The following KDM4C variants were observed in gnomAD, a reference collection of about 807,000 sequenced individuals.
KDM4C encodes lysine-specific demethylase 4C.
Under a neutral mutation model 129.3 loss-of-function variants are expected in KDM4C, and 81 were observed. The ratio of observed to expected loss-of-function variants is 0.63; its 90% CI spans 0.52 to 0.75. The LOEUF (loss-of-function observed/expected upper bound fraction) is 0.75. KDM4C is among the 30% of genes least tolerant of loss of function. KDM4C has a pLI of 0.00. For synonymous variants in KDM4C, 573 were observed against 456.1 expected (o/e 1.26, Z -3.26); for missense variants, 1,457 against 1,304.0 (o/e 1.12, Z -1.81).
chr9:7,007,679 C>T (rs1055078488), intron 12 of KDM4C, among the ~76,000 whole-genome samples: 1 of 152,120 alleles, frequency 6.6e-6, no homozygotes, highest in African/African-American at 2.4e-5. Context: ...TTTTTGGTCT[C>T]AGGAAGCCTT....
At chr9:6,786,734 A>G (rs7031834) in intron 1 of KDM4C, among the ~76,000 whole-genome samples, 27,206 of 152,194 alleles carry the variant, frequency 0.18, 2,556 homozygotes, top group African/African-American at 0.22. Flanking sequence ...TGATAAATAT[A>G]GATTAGGAAG....
chr9:6,897,819 A>C (rs904180831), intron 8 of KDM4C, among the ~76,000 whole-genome samples: 3 of 152,256 alleles, frequency 2.0e-5, no homozygotes, highest in African/African-American at 7.2e-5. Flanking sequence ...GAATGTTGGC[A>C]TAACAGAGTG....
At position 6,999,163 on chromosome 9, in the gene KDM4C, T is replaced by C. The variant is rs1320817350; in HGVS notation, c.1786+8639T>C. On this transcript the variant is annotated intron_variant, in intron 12 of 21. Coordinates refer to ENST00000381309, the MANE Select transcript of KDM4C (RefSeq NM_015061.6). Reference sequence around the variant, plus strand: ...GCTGTTGCCCTTTACCTTTTGTAGATAGGTGTTTGGGGAAAATTATGCCCT... The same window carrying C: ...GCTGTTGCCCTTTACCTTTTGTAGACAGGTGTTTGGGGAAAATTATGCCCT... 3.9e-5 allele frequency among the ~76,000 whole-genome samples: 6 copies of C among 152,328 alleles called. No homozygotes were observed. In the East Asian group the frequency reaches 1.2e-3, roughly 29 times the overall value.
chr9:7,059,966 C>T (rs74388095), intron 17 of KDM4C, among the ~76,000 whole-genome samples: 227 of 152,010 alleles, frequency 1.5e-3, no homozygotes, highest in Admixed American at 2.1e-3. Flanking sequence ...TCCTTAATAA[C>T]GTTTAAGAGT....
chr9:6,919,322 A>G (rs948462092), intron 8 of KDM4C, among the ~76,000 whole-genome samples: 8 of 135,152 alleles, frequency 5.9e-5, no homozygotes, highest in African/African-American at 2.2e-4. Flanking sequence ...TTTGGATATT[A>G]GACCTTTGTC....
chr9:7,035,474 G>A (rs1042445797), intron 15 of KDM4C, among the ~76,000 whole-genome samples: 45 of 150,858 alleles, frequency 3.0e-4, no homozygotes, highest in African/African-American at 9.7e-4. Context: ...TTGCTGTGCA[G>A]AAGCTTTTTC....
chr9:7,015,901 C>T lies in KDM4C; in HGVS notation c.2231C>T (p.Ala744Val). Residue 744 changes from alanine to valine, a missense_variant, in exon 15 of 22, where the codon GCC becomes GTC. Physicochemically the swap from Ala to Val is moderately conservative, Grantham distance 64. Coordinates refer to ENST00000381309, the MANE Select transcript of KDM4C (RefSeq NM_015061.6). ...GAGATCTGTGATGGATGGCTGTGTG[C>T]CCGGTGCAAAAGAAATGCGTGGACA... ...SHEICDGWLC[A>V]RCKRNAWTAE... 3 of 1,612,524 alleles carry T rather than the reference C, an allele frequency of 1.9e-6. No homozygotes were observed. Among genetic ancestry groups the T allele is most frequent in the African/African-American group, 1.3e-5 (1 of 74,956 alleles).
At chr9:7,029,420 A>G (rs965963385) in intron 15 of KDM4C, among the ~76,000 whole-genome samples, 2 of 151,860 alleles carry the variant, frequency 1.3e-5, no homozygotes, top group African/African-American at 4.8e-5. Flanking sequence ...TGCCTGGAAT[A>G]TGTTGATAAC....
At chr9:7,054,284 A>G (rs948773686) in intron 17 of KDM4C, among the ~76,000 whole-genome samples, 2 of 152,236 alleles carry the variant, frequency 1.3e-5, no homozygotes, top group African/African-American at 4.8e-5. Context: ...CCCAAGTGGT[A>G]TAGATTTAGA....
intron 1 of KDM4C, chr9:6,748,976 T>G (rs879058389): frequency 1.2e-6 from 1 of 833,864 alleles, no homozygotes; most frequent in Non-Finnish European, 2.1e-6. Context: ...GGCCACTGTA[T>G]GCCATGGTGG....
chr9:6,953,622 G>A (rs1489246064), intron 8 of KDM4C, among the ~76,000 whole-genome samples: 2 of 152,084 alleles, frequency 1.3e-5, no homozygotes, highest in Non-Finnish European at 1.5e-5. Flanking sequence ...AAGTCTCAGT[G>A]TACCATGTTA....
intron 6 of KDM4C, among the ~76,000 whole-genome samples, chr9:6,880,445 G>A (rs1844262441): frequency 6.6e-6 from 1 of 152,002 alleles, no homozygotes; most frequent in African/African-American, 2.4e-5. Context: ...GCTGCATCTT[G>A]GGGTATGGTT....
At chr9:7,151,948 C>T (rs966092856) in intron 19 of KDM4C, among the ~76,000 whole-genome samples, 18 of 152,214 alleles carry the variant, frequency 1.2e-4, no homozygotes, top group African/African-American at 4.1e-4. Flanking sequence ...TTTCGTTATA[C>T]ACAGAATGTA....
intron 5 of KDM4C, among the ~76,000 whole-genome samples, chr9:6,867,460 C>T (rs1405373589): frequency 6.6e-6 from 1 of 152,020 alleles, no homozygotes; most frequent in African/African-American, 2.4e-5. Flanking sequence ...TCAGAAGATT[C>T]CTATATAAGG....
At chr9:6,728,287 G>A (rs1817209021) in intron 1 of KDM4C, among the ~76,000 whole-genome samples, 1 of 152,180 alleles carries the variant, frequency 6.6e-6, no homozygotes, top group South Asian at 2.1e-4. Context: ...TGTAATCCCA[G>A]CACTTTGGGA....
chr9:6,735,095 A>G lies in KDM4C; in HGVS notation c.49+14098A>G, dbSNP rs139913770. On this transcript the variant is annotated intron_variant, in intron 1 of 17. Coordinates refer to the KDM4C transcript ENST00000536108. ...TCTTCATGGTTCCAGCAGCCTATGC[A>G]ATGACTGGGCAGTGCTAGGGGACAA... The G allele has an allele frequency of 5.6e-3, 2,322 of 414,362 alleles. 11 individuals carry two copies. Among genetic ancestry groups the G allele is most frequent in the Non-Finnish European group, 7.4e-3 (1,576 of 212,628 alleles). The allele number at this position is 414,362 out of a possible 1,614,324, so 25.7% of individuals were successfully genotyped here.
intron 1 of KDM4C, among the ~76,000 whole-genome samples, chr9:6,772,300 C>T (rs1232085484): frequency 6.6e-6 from 1 of 151,716 alleles, no homozygotes; most frequent in Non-Finnish European, 1.5e-5. Flanking sequence ...TAGGTGCCTG[C>T]CACCATGCCT....
intron 4 of KDM4C, among the ~76,000 whole-genome samples, chr9:6,821,586 A>G (rs924574110): frequency 6.6e-6 from 1 of 151,058 alleles, no homozygotes; most frequent in Non-Finnish European, 1.5e-5. Context: ...TTTCCTTGTA[A>G]ATTTGTTTGA....
intron 1 of KDM4C, among the ~76,000 whole-genome samples, chr9:6,731,999 A>G (rs1346640426): frequency 6.6e-6 from 1 of 152,116 alleles, no homozygotes; most frequent in Non-Finnish European, 1.5e-5. Context: ...TCAGGAGGAT[A>G]ATACCAACAG....
Sources: gnomAD v4.1 joint callset for allele counts (sites outside exome capture counted in the v4.1 genomes callset) on GRCh38, gnomAD v4.1.1 for gene constraint, MANE v1.5 for transcripts, NCBI Gene and HGNC (gene_info 2026-07-23, HGNC 2026-07-21) for gene names.